Variants in OTUD7A observed in about 807,000 individuals in gnomAD.
OTUD7A encodes the protein OTU domain-containing protein 7A.
Under a neutral mutation model 65.7 loss-of-function variants are expected in OTUD7A, and 12 were observed. The observed-to-expected ratio is 0.18, with a 90% CI of 0.12 to 0.30. The LOEUF (loss-of-function observed/expected upper bound fraction) is 0.30. Ranked by LOEUF, OTUD7A falls within the 10% of genes least tolerant of loss-of-function variation. The probability of loss-of-function intolerance (pLI) is 1.00; values close to 1 mark genes in which losing one functional copy is unlikely to be tolerated. For missense variants in OTUD7A, 1,148 were observed against 1,304.8 expected (o/e 0.88, Z 1.85); for synonymous variants, 641 against 586.3 (o/e 1.09, Z -1.35).
At chr15:31,803,826 C>T (rs1177480232) in intron 1 of OTUD7A, among the ~76,000 whole-genome samples, 1 of 152,188 alleles carries the variant, frequency 6.6e-6, no homozygotes, top group East Asian at 1.9e-4. Flanking sequence ...GGTGAAAAGC[C>T]AGTGGAGGCC....
Position 31,493,181 on chromosome 15 carries a change from A to C in OTUD7A, c.1172-5615T>G, listed in dbSNP as rs114474484. 2.5e-3 allele frequency among the ~76,000 whole-genome samples: 379 copies of C among 152,264 alleles called. 1 individual carries two copies. The highest frequency in any genetic ancestry group is 8.9e-3 in the African/African-American group (368 of 41,550). On this transcript the variant is annotated intron_variant, in intron 10 of 12. Coordinates refer to ENST00000307050, the MANE Select transcript of OTUD7A (RefSeq NM_001382637.1). Reference sequence around the variant, plus strand: ...AAAAAAGAAAAAGAATCCCATTTTAAATATAAAGACATATGGAGGTTAAAA... The same window carrying C: ...AAAAAAGAAAAAGAATCCCATTTTACATATAAAGACATATGGAGGTTAAAA...
At chr15:31,652,506 C>T (rs1891870405) in intron 3 of OTUD7A, among the ~76,000 whole-genome samples, 1 of 152,208 alleles carries the variant, frequency 6.6e-6, no homozygotes, top group African/African-American at 2.4e-5. Flanking sequence ...GAATTTAAAA[C>T]TGTGCCCTGT....
intron 3 of OTUD7A, among the ~76,000 whole-genome samples, chr15:31,641,151 T>C (rs1246149054): frequency 6.9e-6 from 1 of 144,252 alleles, no homozygotes; most frequent in Non-Finnish European, 1.5e-5. Context: ...TGAGTGAGTC[T>C]CACGAGATGT....
intron 1 of OTUD7A, among the ~76,000 whole-genome samples, chr15:31,714,522 A>G (rs1175294751): frequency 1.3e-5 from 2 of 151,964 alleles, no homozygotes; most frequent in African/African-American, 4.8e-5. Context: ...GCATATTTAC[A>G]TTTTTTTATA....
chr15:31,480,741 T>A lies in OTUD7A; in HGVS notation c.*2553A>T, dbSNP rs1021731122. On this transcript the variant is annotated 3_prime_UTR_variant, in exon 13 of 13. Coordinates refer to ENST00000307050, the MANE Select transcript of OTUD7A (RefSeq NM_001382637.1). ...TCCCTTTTGCATTTTTAATACTGTT[T>A]AGAGGAAGGATGGATCCAGCTCTCT... 3 of 152,284 alleles carry A rather than the reference T, an allele frequency of 2.0e-5. No homozygotes were observed. The highest frequency in any genetic ancestry group is 2.9e-5 in the Non-Finnish European group (2 of 68,070). The allele number at this position is 152,284 out of a possible 1,614,324, so 9.4% of individuals were successfully genotyped here. A position where few individuals can be genotyped will look rare whatever the true frequency, so the allele number is the denominator to read the frequency against.
intron 3 of OTUD7A, among the ~76,000 whole-genome samples, chr15:31,610,505 T>C (rs1890369436): frequency 6.7e-6 from 1 of 149,372 alleles, no homozygotes; most frequent in Non-Finnish European, 1.5e-5. Flanking sequence ...AGAATACACA[T>C]TCTATTCAAC....
intron 1 of OTUD7A, among the ~76,000 whole-genome samples, chr15:31,788,193 C>T (rs1895723170): frequency 6.6e-6 from 1 of 152,116 alleles, no homozygotes; most frequent in Non-Finnish European, 1.5e-5. Context: ...TTTATGAATG[C>T]CTTAAATCAG....
chr15:31,514,753 C>T (rs1442827042), intron 8 of OTUD7A, among the ~76,000 whole-genome samples: 1 of 152,254 alleles, frequency 6.6e-6, no homozygotes, highest in East Asian at 1.9e-4. Flanking sequence ...CCACCCACTC[C>T]AGATGCCACC....
At chr15:31,740,540 C>T (rs776341714) in intron 1 of OTUD7A, among the ~76,000 whole-genome samples, 18 of 151,668 alleles carry the variant, frequency 1.2e-4, no homozygotes, top group Non-Finnish European at 2.5e-4. Flanking sequence ...GGACGGCTGC[C>T]GTGGGGGTGA....
intron 8 of OTUD7A, among the ~76,000 whole-genome samples, chr15:31,519,487 G>A (rs1361318345): frequency 2.0e-5 from 3 of 152,170 alleles, no homozygotes; most frequent in Non-Finnish European, 4.4e-5. Context: ...ACTAGGCATA[G>A]AAAGAACATA....
intron 8 of OTUD7A, among the ~76,000 whole-genome samples, chr15:31,506,018 G>T (rs1456747534): frequency 6.6e-6 from 1 of 151,952 alleles, no homozygotes; most frequent in Non-Finnish European, 1.5e-5. Context: ...GATTACAGAC[G>T]TGAGCCACCA....
At chr15:31,742,437 TA>T (rs1302601926) in intron 1 of OTUD7A, among the ~76,000 whole-genome samples, 1 of 152,084 alleles carries the variant, frequency 6.6e-6, no homozygotes, top group African/African-American at 2.4e-5. Context: ...TAAGGCTTTT[TA>T]AAAACTGAAC....
chr15:31,737,994 G>C (rs1349258648), intron 1 of OTUD7A, among the ~76,000 whole-genome samples: 1 of 152,192 alleles, frequency 6.6e-6, no homozygotes, highest in African/African-American at 2.4e-5. Context: ...GTTAGCTCAA[G>C]GAAGTATAAA....
chr15:31,736,605 T>C (rs367639028), intron 1 of OTUD7A, among the ~76,000 whole-genome samples: 2 of 152,164 alleles, frequency 1.3e-5, no homozygotes, highest in Non-Finnish European at 2.9e-5. Flanking sequence ...GATCAATGTA[T>C]GTTCCAGGTG....
intron 1 of OTUD7A, among the ~76,000 whole-genome samples, chr15:31,683,689 G>T (rs550697666): frequency 1.6e-3 from 249 of 152,222 alleles, no homozygotes; most frequent in African/African-American, 5.8e-3. Flanking sequence ...GTATGATTAT[G>T]ATTATTGTGG....
At chr15:31,502,458 A>T (rs2041483491) in intron 9 of OTUD7A, among the ~76,000 whole-genome samples, 1 of 152,232 alleles carries the variant, frequency 6.6e-6, no homozygotes, top group Admixed American at 6.5e-5. Flanking sequence ...TGAGGTCATG[A>T]AACGTCTTTA....
intron 3 of OTUD7A, among the ~76,000 whole-genome samples, chr15:31,610,837 G>A (rs189639386): frequency 1.3e-5 from 2 of 150,962 alleles, no homozygotes; most frequent in Admixed American, 6.6e-5. Flanking sequence ...CACCGTGTTA[G>A]CCAGGATGGT....
At chr15:31,867,851 C>G (rs1897918682) in intron 1 of OTUD7A, among the ~76,000 whole-genome samples, 1 of 152,156 alleles carries the variant, frequency 6.6e-6, no homozygotes, top group East Asian at 1.9e-4. Context: ...CAAGTATGTG[C>G]CCCCAACCCT....
chr15:31,680,615 C>T (rs533327273), intron 1 of OTUD7A, among the ~76,000 whole-genome samples: 50 of 152,238 alleles, frequency 3.3e-4, no homozygotes, highest in African/African-American at 1.2e-3. Flanking sequence ...GGACACTCAT[C>T]TCTACTTTAA....
Sources: allele counts gnomAD v4.1 joint callset (sites outside exome capture counted in the v4.1 genomes callset), GRCh38; gene constraint gnomAD v4.1.1; transcripts MANE v1.5; gene names NCBI Gene and HGNC (gene_info 2026-07-23, HGNC 2026-07-21).